Variants in KCNH4 observed in about 807,000 individuals in gnomAD.
KCNH4 encodes voltage-gated delayed rectifier potassium channel KCNH4.
A neutral mutation model predicts 90.7 loss-of-function variants in KCNH4; 33 were observed. That is an observed-to-expected ratio of 0.36 (90% CI 0.28 to 0.49). The LOEUF (loss-of-function observed/expected upper bound fraction) is 0.49, where lower values mean the gene tolerates loss of function less well. KCNH4 is among the 20% of genes least tolerant of loss of function. The probability of loss-of-function intolerance (pLI) is 0.98; values close to 1 mark genes in which losing one functional copy is unlikely to be tolerated. For missense variants in KCNH4, 1,044 were observed against 1,387.1 expected (o/e 0.75, Z 3.93); for synonymous variants, 551 against 581.7 (o/e 0.95, Z 0.76).
chr17:42,171,160 G>A (rs139893740), intron 7 of KCNH4, among the ~76,000 whole-genome samples: 69 of 152,118 alleles, frequency 4.5e-4, no homozygotes, highest in South Asian at 4.2e-3. Flanking sequence ...TGGTGGTTGT[G>A]GGGGGGATGA....
At chr17:42,175,177 G>A (rs2079852785) in intron 6 of KCNH4, among the ~76,000 whole-genome samples, 1 of 152,216 alleles carries the variant, frequency 6.6e-6, no homozygotes, top group South Asian at 2.1e-4. Context: ...CCCCTCACCA[G>A]TTTGGCTGTT....
chr17:42,162,783 G>C (rs899978522), intron 14 of KCNH4, among the ~76,000 whole-genome samples: 1 of 151,964 alleles, frequency 6.6e-6, no homozygotes, highest in Non-Finnish European at 1.5e-5. Flanking sequence ...AGTAGAGATG[G>C]GGTTTTGCCA....
In KCNH4 at chr17:42,163,680, G is replaced by A. The variant is rs766709910; in HGVS notation, c.2403C>T (p.Cys801=). The part of the protein sequence containing the change: ...HSASPHGPPR[C]SAAWKPPQLL... ...GCTGAGGGGGCTTCCAGGCAGCAGAGCACCTGGGGGGGCCGTGAGGGGAGG... is the reference window on the plus strand; with the variant it reads ...GCTGAGGGGGCTTCCAGGCAGCAGAACACCTGGGGGGGCCGTGAGGGGAGG... The change falls in exon 13 of 17, where the codon TGC becomes TGT. Residue 801 remains cysteine (C), a synonymous_variant. Coordinates refer to ENST00000264661, the MANE Select transcript of KCNH4 (RefSeq NM_012285.3). The surrounding 1 kb of genome is among the most constrained non-coding windows in gnomAD (Gnocchi z 5.4). 2.3e-5 allele frequency: 34 copies of A among 1,508,380 alleles called. No homozygotes were observed. Among genetic ancestry groups the A allele is most frequent in the Non-Finnish European group, 3.0e-5 (34 of 1,128,530 alleles). 93.4% of individuals were successfully genotyped at this position (1,508,380 alleles called of 1,614,324 possible).
chr17:42,171,655 A>G (rs1445748266), intron 7 of KCNH4, 133 bp downstream of exon 7: 1 of 883,284 alleles, frequency 1.1e-6, no homozygotes, highest in African/African-American at 1.6e-5. Context: ...CTTGATCCAG[A>G]AAGAGCTCAA....
Position 42,157,449 on chromosome 17 carries a change from G to A in KCNH4, c.*310-331C>T, listed in dbSNP as rs534804271. Among the ~76,000 whole-genome samples, 3 of 152,268 alleles carry A rather than the reference G, an allele frequency of 2.0e-5. No individual in the cohort carries two copies. In the East Asian group the frequency reaches 5.8e-4, roughly 29 times the overall value. ...CAAACAAAAATTTCAAACAAGGGAAGCTAGCTGGGTGTCGGGAGATGATCA... is the reference window on the plus strand; with the variant it reads ...CAAACAAAAATTTCAAACAAGGGAAACTAGCTGGGTGTCGGGAGATGATCA... On this transcript the variant is annotated intron_variant, in intron 16 of 16. Coordinates refer to ENST00000264661, the MANE Select transcript of KCNH4 (RefSeq NM_012285.3).
Position 42,162,269 on chromosome 17 carries a change from C to A in KCNH4, c.2637G>T (p.Lys879Asn), listed in dbSNP as rs751325036. The change falls in exon 15 of 17, where the codon AAG (lysine) becomes AAT (asparagine). Residue 879 changes from lysine (K) to asparagine (N), a missense_variant. Physicochemically the swap from Lys to Asn is moderately conservative, Grantham distance 94 (BLOSUM62 0). Transcript: ENST00000264661. ...LASEAEEVKE[K>N]VCRLNQEISR... is the part of the protein sequence containing the mutation. Reference sequence around the variant, plus strand: ...CCACCTCCTGGTTCAGCCGGCAAACCTTTTCCTTCACCTCCTCAGCCTCAC... The same window carrying A: ...CCACCTCCTGGTTCAGCCGGCAAACATTTTCCTTCACCTCCTCAGCCTCAC... 2 of 1,614,020 alleles carry A rather than the reference C, an allele frequency of 1.2e-6. No homozygotes were observed.
At chr17:42,165,755 G>C in intron 10 of KCNH4, 62 bp from the exon 11 acceptor site, 1 of 1,592,062 alleles carries the variant, frequency 6.3e-7, no homozygotes, top group East Asian at 2.2e-5. Flanking sequence ...ATCAGCTGGA[G>C]GTGCTCAGTG....
chr17:42,168,841 G>C (rs1283314396), intron 9 of KCNH4, among the ~76,000 whole-genome samples: 1 of 150,670 alleles, frequency 6.6e-6, no homozygotes, highest in Non-Finnish European at 1.5e-5. Flanking sequence ...GCACAATTTC[G>C]GCTCACTGCA....
Position 42,160,438 on chromosome 17 carries a change from G to A in KCNH4, c.2659-3C>T. ...ACCTCCTGATTGAGACGAGAGATCTGTTGAAAACACATCGAGTTGTTTCAC... is the reference window on the plus strand; with the variant it reads ...ACCTCCTGATTGAGACGAGAGATCTATTGAAAACACATCGAGTTGTTTCAC... On this transcript the variant is annotated splice_region_variant and splice_polypyrimidine_tract_variant and intron_variant, in intron 15 of 16. Coordinates refer to ENST00000264661, the MANE Select transcript of KCNH4 (RefSeq NM_012285.3). 1.9e-6 allele frequency: 3 copies of A among 1,580,952 alleles called. No individual in the cohort carries two copies. Among genetic ancestry groups the A allele is most frequent in the Non-Finnish European group, 2.6e-6 (3 of 1,158,766 alleles).
At position 42,178,606 on chromosome 17, in the gene KCNH4, A is replaced by G. The variant is rs2079879344; in HGVS notation, c.311-129T>C. ...GCAAGAACCAAAAGGAACCTCAGAGATTCTGTCAGCCGATTCCTTCATCTT... is the reference window on the plus strand; with the variant it reads ...GCAAGAACCAAAAGGAACCTCAGAGGTTCTGTCAGCCGATTCCTTCATCTT... On this transcript the variant is annotated intron_variant, in intron 2 of 16. Transcript: ENST00000264661. The G allele has an allele frequency of 2.3e-6, 3 of 1,281,724 alleles. No homozygotes were observed. The South Asian group carries it at 4.5e-5, about 19-fold the overall frequency. 79.4% of individuals were successfully genotyped at this position (1,281,724 alleles called of 1,614,324 possible). A position where few individuals can be genotyped will look rare whatever the true frequency, so the allele number is the denominator to read the frequency against.
chr17:42,178,054 C>T (rs771966051), intron 4 of KCNH4, 46 bp downstream of exon 4: 3 of 1,586,314 alleles, frequency 1.9e-6, no homozygotes, highest in East Asian at 2.2e-5. Flanking sequence ...GCCTCAGAAT[C>T]AAGGCTGGAG....
At chr17:42,164,004 GAC>G in intron 12 of KCNH4, 46 bp from the exon 13 acceptor site, 1 of 1,500,184 alleles carries the variant, frequency 6.7e-7, no homozygotes, top group Non-Finnish European at 9.0e-7. Context: ...GTGAACAACA[GAC>G]CCCTTCATTA....
chr17:42,181,093 C>G lies in KCNH4; in HGVS notation c.-148G>C. ...TTACTGCCGCTGCCGCTGCCGCTGC[C>G]TCTGCTCCGAACCCCGTAGCTCTCG... On this transcript the variant is annotated 5_prime_UTR_variant, in exon 1 of 17. Transcript: ENST00000264661. The G allele has an allele frequency of 1.5e-6, 1 of 673,766 alleles. No homozygotes were observed. The highest frequency in any genetic ancestry group is 2.5e-6 in the Non-Finnish European group (1 of 404,142). The allele number at this position is 673,766 out of a possible 1,614,324, so 41.7% of individuals were successfully genotyped here.
At chr17:42,164,371 G>A (rs2079771676) in intron 11 of KCNH4, among the ~76,000 whole-genome samples, 1 of 152,266 alleles carries the variant, frequency 6.6e-6, no homozygotes, top group African/African-American at 2.4e-5. Flanking sequence ...GGCCCAAGGT[G>A]TAATGTACAG....
chr17:42,178,694 C>T, intron 2 of KCNH4, 99 bp downstream of exon 2: 1 of 1,205,020 alleles, frequency 8.3e-7, no homozygotes, highest in Non-Finnish European at 1.2e-6. Context: ...CAGCTTTTGG[C>T]AGTGTGGGGA....
chr17:42,174,976 C>T (rs2079851758), intron 6 of KCNH4, among the ~76,000 whole-genome samples: 1 of 152,194 alleles, frequency 6.6e-6, no homozygotes, highest in African/African-American at 2.4e-5. Flanking sequence ...CTTCCCAGAC[C>T]CCTCCAGCCT....
chr17:42,170,497 T>C (rs889580270), intron 7 of KCNH4, among the ~76,000 whole-genome samples, 196 bp from the exon 8 acceptor site: 1 of 152,248 alleles, frequency 6.6e-6, no homozygotes, highest in Non-Finnish European at 1.5e-5. Context: ...ACTAACTACA[T>C]TGCTGAGTGT....
At chr17:42,170,815 G>A (rs935548695) in intron 7 of KCNH4, among the ~76,000 whole-genome samples, 2 of 152,250 alleles carry the variant, frequency 1.3e-5, no homozygotes, top group African/African-American at 4.8e-5. Context: ...GGAACCGAAG[G>A]AACATTGTTC....
At chr17:42,164,693 T>C (rs2079773962) in intron 11 of KCNH4, among the ~76,000 whole-genome samples, 1 of 151,646 alleles carries the variant, frequency 6.6e-6, no homozygotes, top group African/African-American at 2.4e-5. Flanking sequence ...TCCCAGCTAC[T>C]TGGGAGGCTG....
Sources: gnomAD v4.1 joint callset for allele counts (sites outside exome capture counted in the v4.1 genomes callset) on GRCh38, gnomAD v4.1.1 for gene constraint, Gnocchi (gnomAD v3.1) non-coding constraint, MANE v1.5 for transcripts, NCBI Gene and HGNC (gene_info 2026-07-23, HGNC 2026-07-21) for gene names.